CDKAL1: variants seen among roughly 807,000 people sequenced by gnomAD.
CDKAL1 encodes CDKAL1 threonylcarbamoyladenosine tRNA methylthiotransferase, also known as threonylcarbamoyladenosine tRNA methylthiotransferase.
In CDKAL1, 32 loss-of-function variants were observed where a neutral mutation model predicts 68.2. The observed-to-expected ratio is 0.47, with a 90% confidence interval of 0.35 to 0.63. The LOEUF is 0.63. Ranked by LOEUF, CDKAL1 falls within the 30% of genes least tolerant of loss-of-function variation. The probability of loss-of-function intolerance (pLI) is 0.00; values close to 1 mark genes in which losing one functional copy is unlikely to be tolerated. For synonymous variants in CDKAL1, 234 were observed against 244.3 expected (o/e 0.96, Z 0.39); for missense variants, 606 against 696.7 (o/e 0.87, Z 1.47).
chr6:20,878,221 C>G (rs916645947), intron 9 of CDKAL1, among the ~76,000 whole-genome samples: 3 of 152,100 alleles, frequency 2.0e-5, no homozygotes, highest in Non-Finnish European at 2.9e-5. Context: ...CATACAGATT[C>G]TCAGTAAAAT....
intron 4 of CDKAL1, among the ~76,000 whole-genome samples, chr6:20,620,478 A>C (rs1767131599): frequency 6.6e-6 from 1 of 152,184 alleles, no homozygotes; most frequent in South Asian, 2.1e-4. Flanking sequence ...TTATCCACAT[A>C]AGATAGATGA....
intron 9 of CDKAL1, among the ~76,000 whole-genome samples, chr6:20,900,491 C>G (rs1289658659): frequency 1.3e-5 from 2 of 152,188 alleles, no homozygotes; most frequent in Non-Finnish European, 2.9e-5. Flanking sequence ...GCACCAGCAT[C>G]GTAAGTAGAT....
At chr6:20,812,747 T>G (rs912031807) in intron 8 of CDKAL1, among the ~76,000 whole-genome samples, 1 of 152,212 alleles carries the variant, frequency 6.6e-6, no homozygotes, top group Non-Finnish European at 1.5e-5. Context: ...TGAGTAGCAT[T>G]TCATGGTAGG....
At chr6:20,742,669 C>T (rs893408040) in intron 6 of CDKAL1, among the ~76,000 whole-genome samples, 13 of 151,518 alleles carry the variant, frequency 8.6e-5, no homozygotes, top group East Asian at 1.9e-4. Flanking sequence ...TTAATGCTCT[C>T]GCTGGTCTTT....
intron 8 of CDKAL1, among the ~76,000 whole-genome samples, chr6:20,782,931 T>A (rs1290622623): frequency 1.3e-5 from 2 of 151,630 alleles, no homozygotes; most frequent in Admixed American, 1.3e-4. Context: ...AAAATGCAGA[T>A]TTTTTTTTCT....
chr6:20,844,878 A>G (rs1473561393), intron 8 of CDKAL1, among the ~76,000 whole-genome samples: 2 of 152,246 alleles, frequency 1.3e-5, no homozygotes, highest in Non-Finnish European at 2.9e-5. Context: ...CTGGGAGACT[A>G]GAACCTCTAT....
intron 11 of CDKAL1, among the ~76,000 whole-genome samples, chr6:21,036,101 G>C (rs1769571514): frequency 6.6e-6 from 1 of 152,144 alleles, no homozygotes; most frequent in African/African-American, 2.4e-5. Flanking sequence ...TGGAGAGCAT[G>C]CTTAATGCTT....
intron 10 of CDKAL1, among the ~76,000 whole-genome samples, chr6:20,988,180 A>ATTG (rs1491171083): frequency 1.5e-4 from 5 of 34,298 alleles, no homozygotes; most frequent in Admixed American, 1.1e-3. Flanking sequence ...AAGAAACATA[A>ATTG]TATGTGTGTG....
At chr6:20,806,492 T>G (rs532315940) in intron 8 of CDKAL1, among the ~76,000 whole-genome samples, 1 of 152,316 alleles carries the variant, frequency 6.6e-6, no homozygotes, top group Admixed American at 6.5e-5. Context: ...ATATATGCAA[T>G]AATGAGATTT....
At chr6:21,074,079 T>C (rs868186071) in intron 12 of CDKAL1, among the ~76,000 whole-genome samples, 61 of 152,334 alleles carry the variant, frequency 4.0e-4, no homozygotes, top group African/African-American at 1.3e-3. Flanking sequence ...CCAAAGCTTC[T>C]ATAACAAAGT....
intron 5 of CDKAL1, among the ~76,000 whole-genome samples, chr6:20,650,876 T>C (rs183615224): frequency 1.3e-5 from 2 of 152,334 alleles, no homozygotes; most frequent in African/African-American, 4.8e-5. Context: ...ATGTGCGGTC[T>C]TATTTCTGAG....
chr6:21,032,245 G>A (rs1214808093), intron 11 of CDKAL1, among the ~76,000 whole-genome samples: 1 of 152,034 alleles, frequency 6.6e-6, no homozygotes, highest in Non-Finnish European at 1.5e-5. Context: ...ATGTTGAAGA[G>A]AGCTAAAGGC....
intron 4 of CDKAL1, among the ~76,000 whole-genome samples, chr6:20,636,026 T>C (rs550956582): frequency 6.6e-6 from 1 of 152,266 alleles, no homozygotes; most frequent in East Asian, 1.9e-4. Context: ...TGTCCCCTCG[T>C]CTTCAGAGAT....
At chr6:21,101,337 C>T (rs1317271063) in intron 12 of CDKAL1, among the ~76,000 whole-genome samples, 1 of 152,094 alleles carries the variant, frequency 6.6e-6, no homozygotes, top group Non-Finnish European at 1.5e-5. Context: ...CCCAGAAGAC[C>T]AATTAAGTCA....
intron 12 of CDKAL1, among the ~76,000 whole-genome samples, chr6:21,076,038 A>G (rs1399081084): frequency 2.0e-5 from 3 of 152,294 alleles, no homozygotes; most frequent in Non-Finnish European, 2.9e-5. Context: ...ATCTTTGATT[A>G]TATGTCCTCA....
intron 5 of CDKAL1, among the ~76,000 whole-genome samples, chr6:20,718,388 C>T (rs1292568650): frequency 1.3e-5 from 2 of 152,102 alleles, no homozygotes; most frequent in South Asian, 2.1e-4. Context: ...ATTGACAGTT[C>T]CCTAGGACCA....
rs548142540 is a variant in CDKAL1, at chr6:20,819,440, G to A, written c.639-26635G>A. On this transcript the variant is annotated intron_variant, in intron 8 of 15. Coordinates refer to ENST00000274695, the MANE Select transcript of CDKAL1 (RefSeq NM_017774.3). ...TGATGATTTTCCATTTTTAAAAGATGTGGCAGTATATTCTTATTGGCAAAA... is the reference window on the plus strand; with the variant it reads ...TGATGATTTTCCATTTTTAAAAGATATGGCAGTATATTCTTATTGGCAAAA... Among the ~76,000 whole-genome samples the A allele has an allele frequency of 3.9e-5, 6 of 152,250 alleles. No individual in the cohort carries two copies. The East Asian group carries it at 1.2e-3, about 29-fold the overall frequency.
chr6:20,997,412 C>G (rs1471819856), intron 10 of CDKAL1, among the ~76,000 whole-genome samples: 1 of 151,704 alleles, frequency 6.6e-6, no homozygotes, highest in Non-Finnish European at 1.5e-5. Flanking sequence ...GTGGTAGAAA[C>G]ATGGACTTTA....
At chr6:20,602,111 G>A (rs1766126740) in intron 4 of CDKAL1, among the ~76,000 whole-genome samples, 1 of 152,140 alleles carries the variant, frequency 6.6e-6, no homozygotes, top group Non-Finnish European at 1.5e-5. Flanking sequence ...AGTTCTCTGA[G>A]GTAGATAGCA....
Sources: allele counts gnomAD v4.1 joint callset (sites outside exome capture counted in the v4.1 genomes callset), GRCh38; gene constraint gnomAD v4.1.1; transcripts MANE v1.5; gene names NCBI Gene and HGNC (gene_info 2026-07-23, HGNC 2026-07-21).